Variants in GALNT9 observed in about 807,000 individuals in gnomAD.
The protein encoded by GALNT9 is polypeptide N-acetylgalactosaminyltransferase 9, also known as GalNAc transferase 9.
A neutral mutation model predicts 63.1 loss-of-function variants in GALNT9; 47 were observed. The ratio of observed to expected loss-of-function variants is 0.75; its 90% CI spans 0.59 to 0.95. GALNT9 has a LOEUF of 0.95. Ranked by LOEUF, GALNT9 falls within the 40% of genes least tolerant of loss-of-function variation. GALNT9 has a pLI of 0.00. For missense variants in GALNT9, 829 were observed against 874.8 expected, an observed-to-expected ratio of 0.95 and a Z score of 0.66; for synonymous variants, 396 against 365.7, an observed-to-expected ratio of 1.08 and a Z score of -0.94.
intron 1 of GALNT9, among the ~76,000 whole-genome samples, chr12:132,325,090 G>T (rs868993251): frequency 6.6e-6 from 1 of 152,088 alleles, no homozygotes; most frequent in Non-Finnish European, 1.5e-5. Context: ...AGTTCTTCCG[G>T]CGTCGTGCTC....
intron 6 of GALNT9, among the ~76,000 whole-genome samples, chr12:132,212,047 C>G (rs968790199): frequency 6.6e-6 from 1 of 152,172 alleles, no homozygotes; most frequent in East Asian, 1.9e-4. Context: ...CGCAGGCAGG[C>G]CCCACCCAGC....
intron 6 of GALNT9, among the ~76,000 whole-genome samples, chr12:132,222,211 C>T (rs1187530845): frequency 3.3e-5 from 5 of 152,110 alleles, no homozygotes; most frequent in Non-Finnish European, 7.3e-5. Flanking sequence ...AAGAATTCTA[C>T]GAGTATCAGA....
intron 6 of GALNT9, among the ~76,000 whole-genome samples, chr12:132,241,037 C>A (rs1878299553): frequency 8.1e-6 from 1 of 123,118 alleles, no homozygotes; most frequent in Non-Finnish European, 1.8e-5. Flanking sequence ...AACACACACC[C>A]TTCCAGGGGC....
chr12:132,240,161 A>C (rs1204639102), intron 6 of GALNT9, among the ~76,000 whole-genome samples: 1 of 152,164 alleles, frequency 6.6e-6, no homozygotes, highest in Non-Finnish European at 1.5e-5. Flanking sequence ...GAACAAGCGT[A>C]TTTAGGGGAC....
Position 132,315,083 on chromosome 12 carries a change from G to A in GALNT9, c.238+13883C>T, listed in dbSNP as rs781848160. On this transcript the variant is annotated intron_variant, in intron 1 of 10. Coordinates refer to ENST00000328957, the MANE Select transcript of GALNT9 (RefSeq NM_001122636.2). This position sits in a 1 kb window ranked among gnomAD's most constrained non-coding sequence, Gnocchi z 6.1. Reference sequence around the variant, plus strand: ...GAAGCTGAGGAGCGGGAGACTGGGCGGCCTGACGGAGGTGGCCCAGGGGGA... The same window carrying A: ...GAAGCTGAGGAGCGGGAGACTGGGCAGCCTGACGGAGGTGGCCCAGGGGGA... Among the ~76,000 whole-genome samples, 4 of 152,166 alleles carry A rather than the reference G, an allele frequency of 2.6e-5. No individual in the cohort carries two copies. The highest frequency in any genetic ancestry group is 4.4e-5 in the Non-Finnish European group (3 of 68,030).
At chr12:132,231,082 G>A (rs1182063607) in intron 6 of GALNT9, among the ~76,000 whole-genome samples, 2 of 103,750 alleles carry the variant, frequency 1.9e-5, no homozygotes, top group African/African-American at 8.6e-5. Context: ...ACACTCGATG[G>A]GGCGACAGAG....
intron 6 of GALNT9, among the ~76,000 whole-genome samples, chr12:132,239,053 T>C (rs1285676931): frequency 5.9e-5 from 9 of 152,118 alleles, no homozygotes; most frequent in African/African-American, 2.2e-4. Flanking sequence ...GGCCTAGATT[T>C]TCCTCTTGAA....
intron 6 of GALNT9, among the ~76,000 whole-genome samples, chr12:132,244,881 G>A (rs1032561606): frequency 1.3e-5 from 2 of 151,258 alleles, no homozygotes; most frequent in Non-Finnish European, 3.0e-5. Flanking sequence ...AGGAGAACTG[G>A]GTTCTGGTTC....
intron 2 of GALNT9, chr12:132,274,883 C>G (rs112168440): frequency 6.6e-6 from 1 of 152,176 alleles, no homozygotes; most frequent in Non-Finnish European, 1.5e-5. Context: ...GAACATACCA[C>G]GTGCACACAG....
intron 1 of GALNT9, among the ~76,000 whole-genome samples, chr12:132,302,918 G>A (rs1335132794): frequency 6.6e-6 from 1 of 152,076 alleles, no homozygotes; most frequent in Non-Finnish European, 1.5e-5. Flanking sequence ...AGGAGGGTGG[G>A]CACAGTGGTC....
At chr12:132,219,653 G>A (rs988281185) in intron 6 of GALNT9, among the ~76,000 whole-genome samples, 10 of 152,242 alleles carry the variant, frequency 6.6e-5, no homozygotes, top group South Asian at 2.1e-4. Context: ...CAGCACCCGC[G>A]CTTGGGTAAG....
In GALNT9 at chr12:132,327,396, G is replaced by A. The variant is rs561826851; in HGVS notation, c.238+1570C>T. On this transcript the variant is annotated intron_variant, in intron 1 of 10. Coordinates refer to ENST00000328957, the MANE Select transcript of GALNT9 (RefSeq NM_001122636.2). This position sits in a 1 kb window ranked among gnomAD's most constrained non-coding sequence, Gnocchi z 4.3. ...TTTTCCACCACCAAGAATCCCAGCC[G>A]ATTCTCACCTTGAAGGGTGAGGCAG... 6.6e-6 allele frequency among the ~76,000 whole-genome samples: 1 copy of A among 151,962 alleles called. No homozygotes were observed. Among genetic ancestry groups the A allele is most frequent in the African/African-American group, 2.4e-5 (1 of 41,384 alleles).
At chr12:132,202,461 C>G (rs573776471) in intron 7 of GALNT9, among the ~76,000 whole-genome samples, 1 of 152,152 alleles carries the variant, frequency 6.6e-6, no homozygotes, top group Non-Finnish European at 1.5e-5. Flanking sequence ...CACTTCAGGC[C>G]GTGTCACCCA....
In GALNT9 at chr12:132,327,170, G is replaced by A. The variant is rs1869071098; in HGVS notation, c.238+1796C>T. On this transcript the variant is annotated intron_variant, in intron 1 of 10. Coordinates refer to ENST00000328957, the MANE Select transcript of GALNT9 (RefSeq NM_001122636.2). This position sits in a 1 kb window ranked among gnomAD's most constrained non-coding sequence, Gnocchi z 4.3. ...ACAAGGGAGGACAGCTAGGATGAAG[G>A]AAAGAAGGAGAAACAATTTTAAAAG... 2.6e-5 allele frequency among the ~76,000 whole-genome samples: 4 copies of A among 151,860 alleles called. 2 individuals are homozygous for A. The South Asian group carries it at 8.3e-4, about 32-fold the overall frequency.
intron 1 of GALNT9, among the ~76,000 whole-genome samples, chr12:132,324,320 G>A (rs868975805): frequency 1.3e-5 from 2 of 152,198 alleles, no homozygotes; most frequent in African/African-American, 4.8e-5. Context: ...GGCCGAGCCT[G>A]TGCGCCTCCA....
At chr12:132,247,391 T>C (rs1954892841) in intron 6 of GALNT9, 24 of 345,964 alleles carry the variant, frequency 6.9e-5, no homozygotes, top group South Asian at 4.7e-4. Flanking sequence ...AATTTCTCAG[T>C]GATGTTGCCA....
chr12:132,275,491 C>T (rs917740364), intron 2 of GALNT9: 2 of 152,256 alleles, frequency 1.3e-5, no homozygotes, highest in African/African-American at 2.4e-5. Flanking sequence ...GACGCTGGCC[C>T]GATGATATCG....
intron 2 of GALNT9, chr12:132,278,620 C>CT (rs1593100588): frequency 6.6e-6 from 1 of 152,244 alleles, no homozygotes; most frequent in African/African-American, 2.4e-5. Context: ...GTGTCTCCAG[C>CT]CGCTGGTTTA....
At chr12:132,239,259 GAGAC>G (rs1555236615) in intron 6 of GALNT9, among the ~76,000 whole-genome samples, 1 of 151,994 alleles carries the variant, frequency 6.6e-6, no homozygotes, top group Non-Finnish European at 1.5e-5. Flanking sequence ...GAGAGACTGA[GAGAC>G]AGAGAGACAC....
Sources: gnomAD v4.1 joint callset for allele counts (sites outside exome capture counted in the v4.1 genomes callset) on GRCh38, gnomAD v4.1.1 for gene constraint, Gnocchi (gnomAD v3.1) non-coding constraint, MANE v1.5 for transcripts, NCBI Gene and HGNC (gene_info 2026-07-23, HGNC 2026-07-21) for gene names.